The following RGS6 variants were observed in gnomAD, a reference collection of about 807,000 sequenced individuals.
RGS6 encodes the protein regulator of G protein signaling 6, also known as regulator of G-protein signaling 6.
Under a neutral mutation model 78.5 loss-of-function variants are expected in RGS6, and 30 were observed. The observed-to-expected ratio is 0.38, with a 90% CI of 0.29 to 0.52. The LOEUF is 0.52. RGS6 is among the 20% of genes least tolerant of loss of function. The pLI, the probability that RGS6 is intolerant of heterozygous loss-of-function variation, is 0.85. For synonymous variants in RGS6, 206 were observed against 206.0 expected (o/e 1.00, Z 0.00); for missense variants, 495 against 609.7 (o/e 0.81, Z 1.98).
chr14:71,953,175 G>T (rs2092486185), intron 1 of RGS6, among the ~76,000 whole-genome samples: 1 of 152,164 alleles, frequency 6.6e-6, no homozygotes, highest in African/African-American at 2.4e-5. Context: ...CTGACTCATT[G>T]CTAACCAGGA....
chr14:72,378,147 A>T (rs1317307648), intron 3 of RGS6, among the ~76,000 whole-genome samples: 1 of 152,248 alleles, frequency 6.6e-6, no homozygotes, highest in African/African-American at 2.4e-5. Flanking sequence ...AAATTTAAAA[A>T]TTCCTTGAAA....
At chr14:72,383,093 G>T (rs2086643116) in intron 3 of RGS6, among the ~76,000 whole-genome samples, 1 of 147,438 alleles carries the variant, frequency 6.8e-6, no homozygotes, top group Non-Finnish European at 1.5e-5. Context: ...ATATGCTTAT[G>T]TTGCATTTTG....
chr14:72,236,660 C>T (rs10136881), intron 2 of RGS6, among the ~76,000 whole-genome samples: 68,403 of 151,766 alleles, frequency 0.45, 15,694 homozygotes, highest in Middle Eastern at 0.59. Context: ...AGGCGCTCCT[C>T]ACATCCCAGA....
chr14:71,928,271 A>C (rs570929530), upstream of RGS6, among the ~76,000 whole-genome samples: 1 of 152,180 alleles, frequency 6.6e-6, no homozygotes, highest in Non-Finnish European at 1.5e-5. Flanking sequence ...TCAGGCATTT[A>C]TTTTCTTTCA....
In RGS6 at chr14:71,978,188, T is replaced by A. The variant is rs1401863514; in HGVS notation, c.84+13313T>A. Among the ~76,000 whole-genome samples, 286 of 135,100 alleles carry A rather than the reference T, an allele frequency of 2.1e-3. 2 individuals carry two copies. The highest frequency in any genetic ancestry group is 7.1e-3 in the African/African-American group (274 of 38,822). The allele number at this position is 135,100 out of a possible 152,430, so 88.6% of individuals were successfully genotyped here. ...CTGAGACAATGGGGTTTTCTAGATA[T>A]ACAATCATGTCGTCTGCAAACAGGG... On this transcript the variant is annotated intron_variant, in intron 2 of 17. Coordinates refer to ENST00000553525, the MANE Select transcript of RGS6 (RefSeq NM_001204424.2).
chr14:72,219,835 C>T (rs2046441328), intron 2 of RGS6, among the ~76,000 whole-genome samples: 1 of 152,082 alleles, frequency 6.6e-6, no homozygotes, highest in African/African-American at 2.4e-5. Context: ...AATCTTGACT[C>T]CATCCAGAAT....
chr14:72,046,223 T>A (rs950308555), intron 2 of RGS6, among the ~76,000 whole-genome samples: 23 of 137,986 alleles, frequency 1.7e-4, no homozygotes, highest in Admixed American at 1.1e-3. Context: ...TTTTTTTTTT[T>A]AAACCTTATT....
chr14:72,541,104 C>G (rs757310512), intron 17 of RGS6: 20 of 1,360,202 alleles, frequency 1.5e-5, no homozygotes, highest in Non-Finnish European at 1.9e-5. Flanking sequence ...CAGAGGGAAC[C>G]AGGGAGCAGG....
chr14:72,078,351 C>T (rs2094671730), intron 2 of RGS6, among the ~76,000 whole-genome samples: 1 of 152,072 alleles, frequency 6.6e-6, no homozygotes, highest in Non-Finnish European at 1.5e-5. Context: ...AACCATGAGT[C>T]AATTAAATCT....
downstream of RGS6, among the ~76,000 whole-genome samples, chr14:72,569,752 T>C (rs530210430): frequency 3.2e-4 from 49 of 152,280 alleles, no homozygotes; most frequent in African/African-American, 1.2e-3. Flanking sequence ...TATGTGACCT[T>C]AGCCCATCTT....
chr14:72,431,190 C>T (rs1180180348), intron 3 of RGS6, among the ~76,000 whole-genome samples: 1 of 152,184 alleles, frequency 6.6e-6, no homozygotes, highest in East Asian at 1.9e-4. Flanking sequence ...GGACCAGATG[C>T]CTGCTCTGTG....
At chr14:72,087,900 G>A (rs1047650767) in intron 2 of RGS6, among the ~76,000 whole-genome samples, 3 of 152,114 alleles carry the variant, frequency 2.0e-5, no homozygotes, top group Admixed American at 1.3e-4. Flanking sequence ...ACAAATCTGG[G>A]GTCTTTAAAG....
chr14:72,031,338 A>T (rs552590736), intron 2 of RGS6, among the ~76,000 whole-genome samples: 2 of 152,202 alleles, frequency 1.3e-5, no homozygotes, highest in Admixed American at 1.3e-4. Flanking sequence ...ATTTGTATGG[A>T]CTGTTAGGCT....
intron 2 of RGS6, among the ~76,000 whole-genome samples, chr14:72,314,762 G>A (rs1450582036): frequency 1.3e-5 from 2 of 152,156 alleles, no homozygotes; most frequent in Admixed American, 6.5e-5. Flanking sequence ...TCCAAGTTAT[G>A]GAAATTTAAA....
At chr14:72,589,304 CT>C in the RGS6 span, among the ~76,000 whole-genome samples, 1 of 152,222 alleles carries the variant, frequency 6.6e-6, no homozygotes, top group Non-Finnish European at 1.5e-5. Context: ...AATCCCAACA[CT>C]TTGGGAGGCC....
At chr14:72,205,847 A>G (rs192363912) in intron 2 of RGS6, among the ~76,000 whole-genome samples, 2 of 152,364 alleles carry the variant, frequency 1.3e-5, no homozygotes, top group African/African-American at 4.8e-5. Flanking sequence ...AATTACATTG[A>G]TAATCTGTAC....
chr14:71,887,678 C>G, the RGS6 span, among the ~76,000 whole-genome samples: 12 of 152,170 alleles, frequency 7.9e-5, no homozygotes, highest in African/African-American at 2.9e-4. Flanking sequence ...GACCAGTTCT[C>G]TGCTCTCAAA....
chr14:72,364,022 A>C (rs889279232), intron 3 of RGS6, among the ~76,000 whole-genome samples: 7 of 150,692 alleles, frequency 4.6e-5, no homozygotes, highest in South Asian at 2.1e-4. Flanking sequence ...AAAAAAAAAA[A>C]AAAACTCTAT....
At chr14:72,030,357 C>T (rs1024931723) in intron 2 of RGS6, among the ~76,000 whole-genome samples, 15 of 151,646 alleles carry the variant, frequency 9.9e-5, no homozygotes, top group Admixed American at 9.2e-4. Flanking sequence ...TTTCAGGAGG[C>T]ATATTTAAAA....
Sources: gnomAD v4.1 joint callset for allele counts (sites outside exome capture counted in the v4.1 genomes callset) on GRCh38, gnomAD v4.1.1 for gene constraint, MANE v1.5 for transcripts, NCBI Gene and HGNC (gene_info 2026-07-23, HGNC 2026-07-21) for gene names.